Variants in RTN4 observed in about 807,000 individuals in gnomAD.
RTN4 encodes the protein reticulon 4, also known as reticulon-4.
In RTN4, 32 loss-of-function variants were observed where a neutral mutation model predicts 90.4. That is an observed-to-expected ratio of 0.35 (90% confidence interval 0.27 to 0.48). The LOEUF is 0.48. Ranked by LOEUF, RTN4 falls within the 20% of genes least tolerant of loss-of-function variation. RTN4 has a pLI of 0.99. For synonymous variants in RTN4, 629 were observed against 552.5 expected (o/e 1.14, Z -1.94); for missense variants, 1,706 against 1,430.2 (o/e 1.19, Z -3.11).
intron 3 of RTN4, among the ~76,000 whole-genome samples, chr2:55,015,789 G>T (rs548608142): frequency 3.7e-4 from 56 of 152,212 alleles, no homozygotes; most frequent in Non-Finnish European, 2.6e-4. Context: ...AGAGGAAGAA[G>T]TGTGACTGTC....
chr2:54,997,963 G>C (rs770747965), intron 3 of RTN4, among the ~76,000 whole-genome samples: 1 of 152,048 alleles, frequency 6.6e-6, no homozygotes, highest in Non-Finnish European at 1.5e-5. Context: ...CAGTTTCTAG[G>C]GCATACGCTA....
chr2:55,054,408 G>A (rs533745122), upstream of RTN4, among the ~76,000 whole-genome samples: 259 of 152,256 alleles, frequency 1.7e-3, no homozygotes, highest in African/African-American at 5.7e-3. Context: ...ACAGCACTAC[G>A]CCAGACACAA....
chr2:55,022,929 A>ACACACACACACACACACACACC (rs1174140956), intron 3 of RTN4, among the ~76,000 whole-genome samples: 1 of 149,850 alleles, frequency 6.7e-6, no homozygotes, highest in East Asian at 2.0e-4. Flanking sequence ...ACACACACAC[A>ACACACACACACACACACACACC]CCCTGCTCTC....
At chr2:55,072,952 T>C (rs889398968) in intron 2 of RTN4, among the ~76,000 whole-genome samples, 1 of 152,218 alleles carries the variant, frequency 6.6e-6, no homozygotes, top group Admixed American at 6.5e-5. Context: ...AATGAGCTTC[T>C]TCAGTTGCTC....
Position 55,025,614 on chromosome 2 carries a change from G to C in RTN4, c.2485C>G (p.Pro829Ala), listed in dbSNP as rs1464888716. The C allele has an allele frequency of 1.2e-6, 2 of 1,613,476 alleles. No homozygotes were observed. The highest frequency in any genetic ancestry group is 3.3e-5 in the Admixed American group (2 of 59,882). The change falls in exon 3 of 9, where the codon CCT becomes GCT. Residue 829 changes from proline (P) to alanine (A), a missense_variant. Physicochemically the swap from Pro to Ala is conservative, Grantham distance 27 (BLOSUM62 -1). Coordinates refer to ENST00000337526, the MANE Select transcript of RTN4 (RefSeq NM_020532.5). ...GTACTGAGCTCCTCCATCTGCAAAGGAATTTTCTCCTTTTTGCTCAATGTT... is the reference window on the plus strand; with the variant it reads ...GTACTGAGCTCCTCCATCTGCAAAGCAATTTTCTCCTTTTTGCTCAATGTT... ...VSTLSKKEKI[P>A]LQMEELSTAV...
At chr2:55,129,966 T>C in the RTN4 span, among the ~76,000 whole-genome samples, 1 of 152,226 alleles carries the variant, frequency 6.6e-6, no homozygotes, top group African/African-American at 2.4e-5. Context: ...AATTTTAAAA[T>C]GTGCATGCTC....
chr2:55,120,258 C>A, the RTN4 span, among the ~76,000 whole-genome samples: 1 of 152,230 alleles, frequency 6.6e-6, no homozygotes, highest in East Asian at 1.9e-4. Context: ...AGCAATGCTT[C>A]CTGCCCCCCT....
chr2:55,027,512 T>TA (rs746201118), intron 2 of RTN4, 27 bp from the exon 3 acceptor site: 2 of 1,566,638 alleles, frequency 1.3e-6, no homozygotes, highest in Non-Finnish European at 1.7e-6. Context: ...AAAGGAAAGT[T>TA]AGAGAATGCC....
rs1187347317 is a variant in RTN4, at chr2:54,972,471, GCTC to G, written c.*682_*684del. ...TTTCATGTTGAAAACAGATGGTAGTGCTCCTAGAAATATTTCTTCTTCTAGCTT... is the reference window on the plus strand; with the variant it reads ...TTTCATGTTGAAAACAGATGGTAGTGCTAGAAATATTTCTTCTTCTAGCTT... On this transcript the variant is annotated 3_prime_UTR_variant, in exon 9 of 9. Transcript: ENST00000337526. 6.6e-6 allele frequency: 1 copy of G among 152,538 alleles called. No individual in the cohort carries two copies. Among genetic ancestry groups the G allele is most frequent in the Non-Finnish European group, 1.5e-5 (1 of 68,032 alleles). 9.4% of individuals were successfully genotyped at this position (152,538 alleles called of 1,614,324 possible). A position where few individuals can be genotyped will look rare whatever the true frequency, so the allele number is the denominator to read the frequency against.
At chr2:54,993,842 T>A (rs142237724) in intron 3 of RTN4, among the ~76,000 whole-genome samples, 1 of 152,044 alleles carries the variant, frequency 6.6e-6, no homozygotes, top group Non-Finnish European at 1.5e-5. Context: ...TATCCTAGAA[T>A]AGGAACACCT....
At chr2:55,133,739 C>T in the RTN4 span, among the ~76,000 whole-genome samples, 1 of 152,128 alleles carries the variant, frequency 6.6e-6, no homozygotes, top group Non-Finnish European at 1.5e-5. Context: ...CAGATAACCC[C>T]TAAGGAGACC....
chr2:55,039,822 T>A (rs1256892238), intron 1 of RTN4, among the ~76,000 whole-genome samples: 1 of 152,212 alleles, frequency 6.6e-6, no homozygotes, highest in Non-Finnish European at 1.5e-5. Flanking sequence ...GGATGCTTGA[T>A]ACTAATTCTA....
intron 2 of RTN4, among the ~76,000 whole-genome samples, chr2:55,076,389 C>CTTTTTTTT (rs58070912): frequency 1.1e-3 from 71 of 64,654 alleles, no homozygotes; most frequent in African/African-American, 1.5e-3. Context: ...TTCTTTTGTT[C>CTTTTTTTT]TTTTTTTTTT....
At chr2:55,038,479 G>A (rs1319737669) in intron 1 of RTN4, among the ~76,000 whole-genome samples, 2 of 141,082 alleles carry the variant, frequency 1.4e-5, no homozygotes, top group African/African-American at 5.1e-5. Flanking sequence ...TACTTGAACA[G>A]ACACTTCACC....
chr2:55,115,557 A>T (rs2105072307), upstream of RTN4, among the ~76,000 whole-genome samples: 1 of 152,350 alleles, frequency 6.6e-6, no homozygotes, highest in Admixed American at 6.5e-5. Context: ...ATAAAGAGAT[A>T]ACATCCTTAT....
upstream of RTN4, among the ~76,000 whole-genome samples, chr2:55,052,444 T>G (rs1287348266): frequency 1.3e-5 from 2 of 152,188 alleles, no homozygotes; most frequent in Non-Finnish European, 2.9e-5. Context: ...TGTTACTTGA[T>G]TGGGTTAATT....
chr2:55,106,477 A>C (rs1667945194), intron 1 of RTN4, among the ~76,000 whole-genome samples: 1 of 152,118 alleles, frequency 6.6e-6, no homozygotes, highest in Non-Finnish European at 1.5e-5. Flanking sequence ...AGTGATAATG[A>C]CAAATTTCTA....
intron 3 of RTN4, among the ~76,000 whole-genome samples, chr2:54,989,259 A>C (rs574792269): frequency 9.2e-5 from 14 of 152,200 alleles, no homozygotes; most frequent in Non-Finnish European, 1.6e-4. Flanking sequence ...TCAAACACTT[A>C]TTTCAGTTGC....
intron 2 of RTN4, among the ~76,000 whole-genome samples, chr2:55,058,121 G>A (rs1158773132): frequency 1.3e-5 from 2 of 152,158 alleles, no homozygotes; most frequent in African/African-American, 4.8e-5. Context: ...CTCAGGGACT[G>A]ATTCATGATC....
Sources: gnomAD v4.1 joint callset for allele counts (sites outside exome capture counted in the v4.1 genomes callset) on GRCh38, gnomAD v4.1.1 for gene constraint, MANE v1.5 for transcripts, NCBI Gene and HGNC (gene_info 2026-07-23, HGNC 2026-07-21) for gene names.